Variants in PDILT observed in about 807,000 individuals in gnomAD.
PDILT encodes protein disulfide-isomerase-like protein of the testis.
A neutral mutation model predicts 53.7 loss-of-function variants in PDILT; 43 were observed. The observed-to-expected ratio is 0.80, with a 90% confidence interval of 0.63 to 1.03. The LOEUF (loss-of-function observed/expected upper bound fraction) is 1.03, where lower values mean the gene tolerates loss of function less well. Ranked by LOEUF, PDILT falls within the 50% of genes least tolerant of loss-of-function variation. The probability of loss-of-function intolerance (pLI) is 0.00; values close to 1 mark genes in which losing one functional copy is unlikely to be tolerated. For synonymous variants in PDILT, 282 were observed against 274.2 expected, an observed-to-expected ratio of 1.03 and a Z score of -0.28; for missense variants, 727 against 712.3, an observed-to-expected ratio of 1.02 and a Z score of -0.24.
chr16:20,359,807 A>G (rs1300296708), intron 11 of PDILT, among the ~76,000 whole-genome samples: 1 of 152,160 alleles, frequency 6.6e-6, no homozygotes, highest in Non-Finnish European at 1.5e-5. Flanking sequence ...CTTTGGGGGA[A>G]CCAAAGGTTC....
intron 4 of PDILT, among the ~76,000 whole-genome samples, chr16:20,375,314 G>T (rs75740538): frequency 1.3e-5 from 2 of 152,134 alleles, no homozygotes; most frequent in African/African-American, 4.8e-5. Context: ...TGAACTTAAT[G>T]TCAAGAATTT....
intron 3 of PDILT, among the ~76,000 whole-genome samples, chr16:20,384,129 C>T (rs1294522462): frequency 1.3e-5 from 2 of 152,128 alleles, no homozygotes; most frequent in Non-Finnish European, 2.9e-5. Flanking sequence ...TCAAATCATT[C>T]TAAAGTCAAA....
At chr16:20,389,313 T>C (rs77041366) in intron 2 of PDILT, among the ~76,000 whole-genome samples, 1,958 of 152,284 alleles carry the variant, frequency 0.013, 38 homozygotes, top group African/African-American at 0.045. Flanking sequence ...TGACTCAGTT[T>C]CCTCATTCAT....
chr16:20,397,020 T>C (rs7196466), intron 2 of PDILT, among the ~76,000 whole-genome samples: 2,919 of 152,342 alleles, frequency 0.019, 98 homozygotes, highest in African/African-American at 0.067. Flanking sequence ...ATGATGATAG[T>C]GGAAGCCAAC....
rs372996001 is a variant in PDILT at position 20,403,798 on chromosome 16, G to A, written c.-8+698C>T. On this transcript the variant is annotated intron_variant, in intron 1 of 11. Transcript: ENST00000302451. ...CGCCCTCCTCTCTCTCTCTCCTCCCGCACTCTGGGGAGCCACACTGGCCTC... is the reference window on the plus strand; with the variant it reads ...CGCCCTCCTCTCTCTCTCTCCTCCCACACTCTGGGGAGCCACACTGGCCTC... Among the ~76,000 whole-genome samples the A allele has an allele frequency of 6.0e-4, 91 of 151,632 alleles. 1 individual carries two copies. In the East Asian group the frequency reaches 9.1e-3, roughly 15 times the overall value.
At chr16:20,370,589 G>T (rs1279197990) in intron 7 of PDILT, among the ~76,000 whole-genome samples, 2 of 152,170 alleles carry the variant, frequency 1.3e-5, no homozygotes, top group Admixed American at 6.5e-5. Context: ...AAGTCAGTGT[G>T]GCTTTGTCAG....
chr16:20,367,195 C>T (rs1196898341), intron 8 of PDILT, among the ~76,000 whole-genome samples: 3 of 151,626 alleles, frequency 2.0e-5, no homozygotes, highest in Admixed American at 1.3e-4. Context: ...CTCCACCTCC[C>T]GAGTTGAAGC....
At chr16:20,389,416 T>C (rs971975106) in intron 2 of PDILT, among the ~76,000 whole-genome samples, 1 of 152,206 alleles carries the variant, frequency 6.6e-6, no homozygotes, top group African/African-American at 2.4e-5. Context: ...AAACATTAGC[T>C]ATTTTGATGA....
chr16:20,399,341 CA>C (rs936620043), intron 1 of PDILT, 34 bp from the exon 2 acceptor site: 1 of 1,605,802 alleles, frequency 6.2e-7, no homozygotes, highest in African/African-American at 1.3e-5. Context: ...GAGACCTTAT[CA>C]ACACAGGTGG....
chr16:20,360,648 A>G lies in PDILT; in HGVS notation c.1426T>C (p.Tyr476His), dbSNP rs556126607. The change falls in exon 11 of 12, where the codon TAT (tyrosine) becomes CAT (histidine). Residue 476 changes from tyrosine to histidine, a missense_variant. Physicochemically the swap from Tyr to His is moderately conservative, Grantham distance 83. Coordinates refer to ENST00000302451, the MANE Select transcript of PDILT (RefSeq NM_174924.2). ...FPSGSQQAVL[Y>H]KGEHTLKGFS... ...CCCTTCAGGGTGTGTTCTCCCTTAT[A>G]CAGGACAGCCTAGGATGAAAATGGA... 1.8e-5 allele frequency: 29 copies of G among 1,612,462 alleles called. No homozygotes were observed. The highest frequency in any genetic ancestry group is 2.4e-5 in the Non-Finnish European group (28 of 1,178,566).
intron 3 of PDILT, among the ~76,000 whole-genome samples, chr16:20,380,348 T>C (rs554869144): frequency 1.3e-5 from 2 of 152,132 alleles, no homozygotes; most frequent in South Asian, 4.2e-4. Context: ...TCTTTTTTTC[T>C]TTTTTTTGAG....
In PDILT at chr16:20,374,923, C is replaced by T; in HGVS notation, c.580G>A (p.Val194Met). ...GTTAGCTCTGGAAAGTCTTTGATCACATCATAGAACAACTCTGCTACTTCT... is the reference window on the plus strand; with the variant it reads ...GTTAGCTCTGGAAAGTCTTTGATCATATCATAGAACAACTCTGCTACTTCT... ...EEEVAELFYD[V>M]IKDFPELTFG... is the part of the protein sequence containing the mutation. Residue 194 changes from valine to methionine, a missense_variant, in exon 5 of 12, where the codon GTG becomes ATG. Coordinates refer to ENST00000302451, the MANE Select transcript of PDILT (RefSeq NM_174924.2). 6 of 1,613,282 alleles carry T rather than the reference C, an allele frequency of 3.7e-6. No individual in the cohort carries two copies. Among genetic ancestry groups the T allele is most frequent in the Non-Finnish European group, 5.1e-6 (6 of 1,179,510 alleles).
chr16:20,359,524 A>G lies in PDILT; in HGVS notation c.1550T>C (p.Leu517Pro), dbSNP rs374534761. The stretch of plus-strand genomic sequence containing the variant: ...CATAGGCACCTCCTTTTCCTCAGCT[A>G]GCACTTCCTCTTCTATCACTTCATT... ...EQNEVIEEEV[L>P]AEEKEVPMMR... The change falls in exon 12 of 12, where the codon CTA becomes CCA. Residue 517 changes from leucine to proline, a missense_variant. By Grantham distance (98) the Leu-to-Pro change is moderately conservative. Transcript: ENST00000302451. The G allele has an allele frequency of 2.5e-6, 4 of 1,614,054 alleles. No individual in the cohort carries two copies. In the African/African-American group the frequency reaches 5.3e-5, roughly 22 times the overall value.
At chr16:20,364,904 C>T (rs1429731270) in intron 9 of PDILT, among the ~76,000 whole-genome samples, 1 of 152,180 alleles carries the variant, frequency 6.6e-6, no homozygotes, top group Admixed American at 6.5e-5. Context: ...GCAAAGAAAT[C>T]CTGTACAGCA....
At chr16:20,402,200 C>T (rs1366616696) in intron 1 of PDILT, among the ~76,000 whole-genome samples, 1 of 152,216 alleles carries the variant, frequency 6.6e-6, no homozygotes. Context: ...TAAATAGATG[C>T]AATCAATGGT....
chr16:20,384,944 C>T lies in PDILT; in HGVS notation c.203-93G>A, dbSNP rs114206727. The T allele has an allele frequency of 1.5e-3, 1,877 of 1,252,632 alleles. 30 individuals carry two copies. The African/African-American group carries it at 0.025, about 17-fold the overall frequency. 77.6% of individuals were successfully genotyped at this position (1,252,632 alleles called of 1,614,324 possible). ...TGTTGGGCCTGCTTAGCTCCCGGAACCTTTCTTGTGCTCAGCGGTTAATGG... is the reference window on the plus strand; with the variant it reads ...TGTTGGGCCTGCTTAGCTCCCGGAATCTTTCTTGTGCTCAGCGGTTAATGG... On this transcript the variant is annotated intron_variant, in intron 2 of 11. Transcript: ENST00000302451.
intron 2 of PDILT, among the ~76,000 whole-genome samples, chr16:20,393,736 G>A (rs1039084448): frequency 3.3e-5 from 5 of 152,180 alleles, no homozygotes; most frequent in African/African-American, 9.7e-5. Flanking sequence ...TGTCATGGGG[G>A]TAAAGCAGAG....
chr16:20,363,608 T>C (rs547678394), intron 9 of PDILT, among the ~76,000 whole-genome samples: 21 of 152,042 alleles, frequency 1.4e-4, no homozygotes, highest in African/African-American at 5.1e-4. Flanking sequence ...GCAGAAGAAG[T>C]GGGGTTTAAA....
chr16:20,391,766 G>C (rs1238493208), intron 2 of PDILT, among the ~76,000 whole-genome samples: 2 of 152,002 alleles, frequency 1.3e-5, no homozygotes, highest in African/African-American at 2.4e-5. Context: ...TGCTGAGAGA[G>C]AGAGGTTAAA....
Sources: gnomAD v4.1 joint callset for allele counts (sites outside exome capture counted in the v4.1 genomes callset) on GRCh38, gnomAD v4.1.1 for gene constraint, MANE v1.5 for transcripts, NCBI Gene and HGNC (gene_info 2026-07-23, HGNC 2026-07-21) for gene names.